Variants in CFAP54 observed in about 807,000 individuals in gnomAD.
CFAP54 encodes cilia and flagella associated protein 54.
In CFAP54, 290 loss-of-function variants were observed where a neutral mutation model predicts 370.4. The ratio of observed to expected loss-of-function variants is 0.78; its 90% CI spans 0.71 to 0.86. CFAP54 has a LOEUF of 0.86. Among genes scored for constraint, CFAP54 ranks in the 40% least tolerant of loss-of-function variants. The probability of loss-of-function intolerance (pLI) is 0.00; values close to 1 mark genes in which losing one functional copy is unlikely to be tolerated. For synonymous variants in CFAP54, 1,206 were observed against 1,236.5 expected, an observed-to-expected ratio of 0.98 and a Z score of 0.52; for missense variants, 3,399 against 3,528.7, an observed-to-expected ratio of 0.96 and a Z score of 0.93.
chr12:96,822,240 A>C (rs1959042739), intron 65 of CFAP54, among the ~76,000 whole-genome samples: 1 of 152,134 alleles, frequency 6.6e-6, no homozygotes, highest in Admixed American at 6.5e-5. Flanking sequence ...GTTCTAAAGC[A>C]TATGGAAGAT....
chr12:96,575,420 C>T (rs1221442980), intron 19 of CFAP54, among the ~76,000 whole-genome samples: 1 of 151,966 alleles, frequency 6.6e-6, no homozygotes, highest in Non-Finnish European at 1.5e-5. Context: ...TTTCCTTTGT[C>T]AGTGTGCTTT....
intron 9 of CFAP54, among the ~76,000 whole-genome samples, chr12:96,529,272 A>G (rs1416182350): frequency 2.0e-5 from 3 of 152,212 alleles, no homozygotes; most frequent in Non-Finnish European, 4.4e-5. Flanking sequence ...GATTAAGTTA[A>G]GCTAGTAAAT....
At chr12:96,637,537 A>G (rs929311761) in intron 32 of CFAP54, among the ~76,000 whole-genome samples, 9 of 152,216 alleles carry the variant, frequency 5.9e-5, no homozygotes, top group Admixed American at 2.0e-4. Context: ...GAGAAGTGCT[A>G]CAGTTAGCTA....
At chr12:96,569,061 T>G (rs984808448) in intron 19 of CFAP54, among the ~76,000 whole-genome samples, 3 of 125,486 alleles carry the variant, frequency 2.4e-5, no homozygotes, top group African/African-American at 9.4e-5. Context: ...CATCTTCTAC[T>G]TCTGGTCAAA....
chr12:96,845,130 G>T (rs539018448), intron 66 of CFAP54, among the ~76,000 whole-genome samples: 108 of 152,222 alleles, frequency 7.1e-4, no homozygotes, highest in African/African-American at 2.5e-3. Flanking sequence ...ATTCCTAAGG[G>T]TAATCAAGTA....
At chr12:96,507,159 G>A in intron 4 of CFAP54, 60 bp downstream of exon 4, 1 of 1,288,452 alleles carries the variant, frequency 7.8e-7, no homozygotes. Flanking sequence ...TCAATGCTAA[G>A]TTTGACAGTA....
At chr12:96,591,078 A>G (rs1956119010) in intron 23 of CFAP54, among the ~76,000 whole-genome samples, 1 of 152,224 alleles carries the variant, frequency 6.6e-6, no homozygotes, top group Non-Finnish European at 1.5e-5. Flanking sequence ...GATGGAACCA[A>G]GGAAGGATAT....
chr12:96,774,085 A>G (rs767565598), intron 60 of CFAP54, among the ~76,000 whole-genome samples: 6 of 152,188 alleles, frequency 3.9e-5, no homozygotes, highest in Non-Finnish European at 7.4e-5. Flanking sequence ...TAATTTGCAC[A>G]TATCTTGTGA....
intron 26 of CFAP54, among the ~76,000 whole-genome samples, chr12:96,617,610 C>G (rs1487685873): frequency 6.6e-6 from 1 of 152,218 alleles, no homozygotes; most frequent in African/African-American, 2.4e-5. Context: ...GCACCCTTTT[C>G]TTTTTCCAGT....
intron 5 of CFAP54, among the ~76,000 whole-genome samples, chr12:96,517,695 A>T (rs1373324574): frequency 2.0e-5 from 3 of 152,240 alleles, no homozygotes; most frequent in African/African-American, 7.2e-5. Context: ...TCTAATTTAG[A>T]AGAGGTACAG....
chr12:96,769,626 G>A lies in CFAP54; in HGVS notation c.8281+4408G>A, dbSNP rs200107035. Reference sequence around the variant, plus strand: ...AGCAGATTAACTCTTTCTTTCTCTGGGCATGAGTGCAGCTATACAGTGTCA... The same window carrying A: ...AGCAGATTAACTCTTTCTTTCTCTGAGCATGAGTGCAGCTATACAGTGTCA... On this transcript the variant is annotated intron_variant, in intron 60 of 67. Transcript: ENST00000524981. 9.5e-3 allele frequency among the ~76,000 whole-genome samples: 1,447 copies of A among 152,174 alleles called. 53 individuals are homozygous for A. The East Asian group carries it at 0.1, about 11-fold the overall frequency.
chr12:96,741,309 G>A (rs1958048567), intron 51 of CFAP54, among the ~76,000 whole-genome samples: 1 of 152,160 alleles, frequency 6.6e-6, no homozygotes, highest in East Asian at 1.9e-4. Flanking sequence ...TGGGACTAGA[G>A]GTGCCTGCCA....
At chr12:96,669,579 G>A (rs11108631) in intron 39 of CFAP54, among the ~76,000 whole-genome samples, 51,090 of 152,006 alleles carry the variant, frequency 0.34, 9,002 homozygotes, top group East Asian at 0.58. Context: ...TGGAGGTGGC[G>A]GATGGGTGAG....
chr12:96,580,693 C>T lies in CFAP54; in HGVS notation c.2889+4C>T, dbSNP rs935187877. 12 of 1,480,158 alleles carry T rather than the reference C, an allele frequency of 8.1e-6. No individual in the cohort carries two copies. Among genetic ancestry groups the T allele is most frequent in the African/African-American group, 2.8e-5 (2 of 71,496 alleles). The allele number at this position is 1,480,158 out of a possible 1,614,324, so 91.7% of individuals were successfully genotyped here. A position where few individuals can be genotyped will look rare whatever the true frequency, so the allele number is the denominator to read the frequency against. ...TCTCCCAAATTCAGGAGAAGCGGTA[C>T]GTCAAATTAAACATCAGGAAATCTT... On this transcript the variant is annotated splice_donor_region_variant and intron_variant, in intron 21 of 67. Coordinates refer to ENST00000524981, the MANE Select transcript of CFAP54 (RefSeq NM_001306084.2).
intron 66 of CFAP54, among the ~76,000 whole-genome samples, chr12:96,834,494 G>T (rs572701124): frequency 4.3e-4 from 65 of 152,352 alleles, no homozygotes; most frequent in African/African-American, 1.5e-3. Context: ...AGTCAGACAT[G>T]CTGGCTGCTG....
chr12:96,691,773 A>G (rs60781296), intron 44 of CFAP54, among the ~76,000 whole-genome samples: 2,960 of 152,234 alleles, frequency 0.019, 111 homozygotes, highest in African/African-American at 0.067. Context: ...ATGAGGTAAA[A>G]GACAGACATT....
In CFAP54 at chr12:96,589,512, A is replaced by G; in HGVS notation, c.3161A>G (p.Asp1054Gly). Residue 1054 changes from aspartate (D) to glycine (G), a missense_variant, in exon 23 of 68, where the codon GAT becomes GGT. This residue lies in a region of CFAP54 where 2,796 missense variants were observed against 2,869.7 expected (regional missense o/e 0.97). Coordinates refer to ENST00000524981, the MANE Select transcript of CFAP54 (RefSeq NM_001306084.2). ...TATTTTGTTGCTTCGCCACTTCAGG[A>G]TGAACAATCTGTTATTTGTTTAAGC... Reference protein sequence around the residue: ...WDYFVASPLQDEQSVICLSNI... With the variant: ...WDYFVASPLQGEQSVICLSNI... 2 of 1,494,988 alleles carry G rather than the reference A, an allele frequency of 1.3e-6. No homozygotes were observed. The highest frequency in any genetic ancestry group is 1.8e-6 in the Non-Finnish European group (2 of 1,109,716). The allele number at this position is 1,494,988 out of a possible 1,614,324, so 92.6% of individuals were successfully genotyped here. A position where few individuals can be genotyped will look rare whatever the true frequency, so the allele number is the denominator to read the frequency against.
chr12:96,673,755 A>G (rs1957173614), intron 39 of CFAP54, among the ~76,000 whole-genome samples: 1 of 152,238 alleles, frequency 6.6e-6, no homozygotes, highest in South Asian at 2.1e-4. Flanking sequence ...TTAGACCATC[A>G]TAGATTTTCT....
chr12:96,556,437 G>A (rs1955752406), intron 17 of CFAP54, among the ~76,000 whole-genome samples: 2 of 150,056 alleles, frequency 1.3e-5, no homozygotes, highest in African/African-American at 4.9e-5. Context: ...TCCCTTCCAA[G>A]TCCCCCATAC....
Sources: gnomAD v4.1 joint callset for allele counts (sites outside exome capture counted in the v4.1 genomes callset) on GRCh38, gnomAD v4.1.1 for gene constraint, gnomAD v4.1.1 regional missense constraint, MANE v1.5 for transcripts, NCBI Gene and HGNC (gene_info 2026-07-23, HGNC 2026-07-21) for gene names.